The following SLC9C1 variants were observed in gnomAD, a reference collection of about 807,000 sequenced individuals.
SLC9C1 encodes sodium/hydrogen exchanger 10.
Under a neutral mutation model 140.9 loss-of-function variants are expected in SLC9C1, and 97 were observed. That is an observed-to-expected ratio of 0.69 (90% CI 0.58 to 0.82). The LOEUF is 0.82. SLC9C1 is among the 40% of genes least tolerant of loss of function. The pLI, the probability that SLC9C1 is intolerant of heterozygous loss-of-function variation, is 0.00. For missense variants in SLC9C1, 1,340 were observed against 1,389.3 expected, an observed-to-expected ratio of 0.96 and a Z score of 0.56; for synonymous variants, 440 against 442.6, an observed-to-expected ratio of 0.99 and a Z score of 0.07.
chr3:112,151,354 C>G, intron 28 of SLC9C1: 1 of 519,036 alleles, frequency 1.9e-6, no homozygotes, highest in African/African-American at 1.9e-5. Flanking sequence ...ATATCCTCTT[C>G]CTTTCTTTAC....
chr3:112,183,242 T>A (rs1460635275), intron 20 of SLC9C1, among the ~76,000 whole-genome samples: 1 of 152,004 alleles, frequency 6.6e-6, no homozygotes, highest in East Asian at 1.9e-4. Context: ...TTGTCTACAC[T>A]TGGTATTGTC....
chr3:112,227,033 A>G (rs1417789830), intron 13 of SLC9C1, among the ~76,000 whole-genome samples: 1 of 152,146 alleles, frequency 6.6e-6, no homozygotes, highest in Admixed American at 6.6e-5. Context: ...CTATCATTAC[A>G]GACTATTATG....
chr3:112,292,026 C>G (rs2080698779), intron 1 of SLC9C1, among the ~76,000 whole-genome samples: 1 of 152,150 alleles, frequency 6.6e-6, no homozygotes, highest in Non-Finnish European at 1.5e-5. Context: ...AACAGAAAAC[C>G]AAATACTGCA....
rs754364222 is a variant in SLC9C1, at chr3:112,204,265, C to T, written c.2125G>A (p.Val709Ile). Residue 709 changes from valine to isoleucine, a missense_variant, in exon 17 of 29, where the codon GTC (valine) becomes ATC (isoleucine). By Grantham distance (29) the Val-to-Ile change is conservative. Coordinates refer to ENST00000305815, the MANE Select transcript of SLC9C1 (RefSeq NM_183061.3). The stretch of plus-strand genomic sequence containing the variant: ...AAAAATTGAACAACTTTTATAAAGA[C>T]TATTACTTCAGTCTCATTAAAAATA... Reference protein sequence around the residue: ...KYIFNETEVIVFIKVVQFFRI... With the variant: ...KYIFNETEVIIFIKVVQFFRI... The T allele has an allele frequency of 2.0e-6, 3 of 1,535,620 alleles. No homozygotes were observed. Among genetic ancestry groups the T allele is most frequent in the Non-Finnish European group, 2.6e-6 (3 of 1,150,688 alleles).
intron 15 of SLC9C1, among the ~76,000 whole-genome samples, chr3:112,214,032 T>C (rs962975198): frequency 1.3e-5 from 2 of 152,028 alleles, no homozygotes; most frequent in African/African-American, 4.8e-5. Context: ...TGCAATCAAA[T>C]TAGAACTCAG....
intron 15 of SLC9C1, among the ~76,000 whole-genome samples, chr3:112,216,836 C>T (rs2078386891): frequency 6.6e-6 from 1 of 152,082 alleles, no homozygotes; most frequent in African/African-American, 2.4e-5. Context: ...ACCATTTGAC[C>T]CAGCCATCCC....
chr3:112,202,366 T>C lies in SLC9C1; in HGVS notation c.2206A>G (p.Lys736Glu). ...AAGGTCTTCTGATGACTCATTCTTT[T>C]ATCTATTATTTGCAGCAACTTTGGT... ...IAPKLLQIID[K>E]RMSHQKTFWY... is the part of the protein sequence containing the mutation. Residue 736 changes from lysine (K) to glutamate (E), a missense_variant, in exon 18 of 29, where the codon AAA becomes GAA. Physicochemically the swap from Lys to Glu is moderately conservative, Grantham distance 56 (BLOSUM62 1). Coordinates refer to ENST00000305815, the MANE Select transcript of SLC9C1 (RefSeq NM_183061.3). 1.2e-6 allele frequency: 2 copies of C among 1,605,904 alleles called. No homozygotes were observed. Among genetic ancestry groups the C allele is most frequent in the Non-Finnish European group, 1.7e-6 (2 of 1,175,732 alleles).
chr3:112,142,691 T>C (rs1029980464), intron 28 of SLC9C1, among the ~76,000 whole-genome samples: 4 of 152,218 alleles, frequency 2.6e-5, no homozygotes, highest in Non-Finnish European at 4.4e-5. Context: ...TCTGATAATA[T>C]ATGAAAGTAT....
chr3:112,146,744 G>C (rs2074807388), intron 28 of SLC9C1, among the ~76,000 whole-genome samples: 1 of 152,110 alleles, frequency 6.6e-6, no homozygotes, highest in Non-Finnish European at 1.5e-5. Context: ...GGTCAATCTT[G>C]GAATATTTTT....
intron 26 of SLC9C1, among the ~76,000 whole-genome samples, chr3:112,159,121 G>A (rs2075213240): frequency 1.3e-5 from 2 of 151,316 alleles, no homozygotes; most frequent in Admixed American, 1.3e-4. Context: ...TTTTGGGGGT[G>A]TGGGTATTTA....
chr3:112,177,562 A>G (rs1328419680), intron 23 of SLC9C1, among the ~76,000 whole-genome samples: 1 of 149,832 alleles, frequency 6.7e-6, no homozygotes, highest in African/African-American at 2.5e-5. Flanking sequence ...TTATTGCATC[A>G]TGGTCAGGAA....
Position 112,212,221 on chromosome 3 carries a change from A to T in SLC9C1, c.1791-3848T>A, listed in dbSNP as rs56293101. 4.8e-3 allele frequency among the ~76,000 whole-genome samples: 730 copies of T among 152,330 alleles called. 2 individuals carry two copies. The highest frequency in any genetic ancestry group is 0.01 in the Middle Eastern group (3 of 294). ...CCCCATCTGTACGTCACCATCATCA[A>T]AGACCAAAAGTAGATAAAACCACAA... On this transcript the variant is annotated intron_variant, in intron 15 of 28. Transcript: ENST00000305815.
At chr3:112,243,353 G>T (rs1030356456) in intron 11 of SLC9C1, among the ~76,000 whole-genome samples, 1 of 152,190 alleles carries the variant, frequency 6.6e-6, no homozygotes, top group Non-Finnish European at 1.5e-5. Flanking sequence ...ACAAGATTAT[G>T]CCCTTTGCCG....
intron 10 of SLC9C1, among the ~76,000 whole-genome samples, chr3:112,246,045 G>T (rs2079274366): frequency 6.6e-6 from 1 of 152,072 alleles, no homozygotes; most frequent in African/African-American, 2.4e-5. Flanking sequence ...CAACCTTCCT[G>T]AAATGTTTCA....
chr3:112,265,674 A>C (rs1053594992), intron 8 of SLC9C1, among the ~76,000 whole-genome samples: 1 of 152,082 alleles, frequency 6.6e-6, no homozygotes, highest in Non-Finnish European at 1.5e-5. Flanking sequence ...CCTTAGCTGA[A>C]TTCCCTTGAG....
At chr3:112,236,405 CT>C (rs1391399437) in intron 12 of SLC9C1, among the ~76,000 whole-genome samples, 1 of 152,052 alleles carries the variant, frequency 6.6e-6, no homozygotes, top group African/African-American at 2.4e-5. Flanking sequence ...TTTGGTTGAT[CT>C]TTTCAAAAAA....
intron 11 of SLC9C1, among the ~76,000 whole-genome samples, chr3:112,242,479 A>T (rs1246352979): frequency 6.6e-6 from 1 of 152,178 alleles, no homozygotes; most frequent in Non-Finnish European, 1.5e-5. Context: ...AAAAATTAAA[A>T]CAATTAAACT....
At chr3:112,244,585 T>C (rs915674616) in intron 10 of SLC9C1, among the ~76,000 whole-genome samples, 1 of 152,202 alleles carries the variant, frequency 6.6e-6, no homozygotes, top group Admixed American at 6.6e-5. Flanking sequence ...TACCCTTTCA[T>C]TGTCAGGAAG....
intron 10 of SLC9C1, among the ~76,000 whole-genome samples, chr3:112,255,152 C>T (rs931740748): frequency 2.6e-5 from 4 of 152,074 alleles, no homozygotes; most frequent in Non-Finnish European, 5.9e-5. Flanking sequence ...TTTCACACTC[C>T]ACGGACAGTA....
Sources: allele counts gnomAD v4.1 joint callset (sites outside exome capture counted in the v4.1 genomes callset), GRCh38; gene constraint gnomAD v4.1.1; transcripts MANE v1.5; gene names NCBI Gene and HGNC (gene_info 2026-07-23, HGNC 2026-07-21).